The following HS3ST4 variants were observed in gnomAD, a reference collection of about 807,000 sequenced individuals.
The protein encoded by HS3ST4 is heparan sulfate glucosamine 3-O-sulfotransferase 4.
HS3ST4 carries 17 observed loss-of-function variants against 29.2 expected under a neutral mutation model. The observed-to-expected ratio is 0.58, with a 90% confidence interval of 0.40 to 0.87. HS3ST4 has a LOEUF of 0.87. Among genes scored for constraint, HS3ST4 ranks in the 40% least tolerant of loss-of-function variants. The pLI is 0.00. For synonymous variants in HS3ST4, 314 were observed against 285.7 expected (o/e 1.10, Z -1.00); for missense variants, 627 against 634.5 (o/e 0.99, Z 0.13).
intron 1 of HS3ST4, among the ~76,000 whole-genome samples, chr16:26,003,845 A>G (rs1402960332): frequency 6.6e-6 from 1 of 152,126 alleles, no homozygotes; most frequent in Admixed American, 6.5e-5. Context: ...GTAGACTTCA[A>G]CCAACACCAT....
At chr16:26,037,885 G>A (rs1469196589) in intron 1 of HS3ST4, among the ~76,000 whole-genome samples, 1 of 152,118 alleles carries the variant, frequency 6.6e-6, no homozygotes, top group Non-Finnish European at 1.5e-5. Context: ...AATTGCCCCA[G>A]TGCTTCCAGT....
At chr16:25,788,540 C>T (rs1339173996) in intron 1 of HS3ST4, among the ~76,000 whole-genome samples, 38 of 99,026 alleles carry the variant, frequency 3.8e-4, no homozygotes, top group Admixed American at 6.0e-4. Flanking sequence ...TTCTTTTCTT[C>T]TTTCTTTTTT....
chr16:25,818,553 T>G (rs1435247279), intron 1 of HS3ST4, among the ~76,000 whole-genome samples: 1 of 152,232 alleles, frequency 6.6e-6, no homozygotes, highest in Admixed American at 6.5e-5. Context: ...TTTTTTGGCT[T>G]AATGTGACAT....
chr16:26,005,859 G>A (rs796348879), intron 1 of HS3ST4, among the ~76,000 whole-genome samples: 5 of 152,248 alleles, frequency 3.3e-5, no homozygotes, highest in African/African-American at 1.2e-4. Flanking sequence ...GGGCTGTCCT[G>A]TCCATCGTAG....
intron 1 of HS3ST4, among the ~76,000 whole-genome samples, chr16:25,813,358 C>T (rs1297541545): frequency 6.6e-6 from 1 of 152,156 alleles, no homozygotes; most frequent in East Asian, 1.9e-4. Context: ...GGTGCGGTGG[C>T]TCACACTTGT....
chr16:26,067,614 T>A (rs1046721934), intron 1 of HS3ST4, among the ~76,000 whole-genome samples: 1 of 150,864 alleles, frequency 6.6e-6, no homozygotes, highest in African/African-American at 2.4e-5. Flanking sequence ...TCAAGAAAAA[T>A]TGCTGATGGC....
chr16:25,787,662 G>T (rs1023885849), intron 1 of HS3ST4, among the ~76,000 whole-genome samples: 14 of 152,204 alleles, frequency 9.2e-5, no homozygotes, highest in Admixed American at 8.5e-4. Flanking sequence ...GAGGAAGCCA[G>T]GCCTGAAGGC....
rs888833679 is a variant in HS3ST4 at position 25,857,191 on chromosome 16, A to G, written c.734+164040A>G. ...TAAATGATAATTTGTCAGAATTACCATTTAAGTGTTCCTATCAGTGTATGC... is the reference window on the plus strand; with the variant it reads ...TAAATGATAATTTGTCAGAATTACCGTTTAAGTGTTCCTATCAGTGTATGC... On this transcript the variant is annotated intron_variant, in intron 1 of 1. Transcript: ENST00000331351. 2.6e-5 allele frequency among the ~76,000 whole-genome samples: 4 copies of G among 152,306 alleles called. 1 individual carries two copies. Among genetic ancestry groups the G allele is most frequent in the Admixed American group, 2.6e-4 (4 of 15,282 alleles).
intron 1 of HS3ST4, among the ~76,000 whole-genome samples, chr16:26,132,189 G>GGAATGAATGAAA (rs1387117564): frequency 6.6e-6 from 1 of 152,128 alleles, no homozygotes; most frequent in Non-Finnish European, 1.5e-5. Context: ...GATCATTTAT[G>GGAATGAATGAAA]GAATGAATGA....
chr16:25,913,078 G>A (rs1434207229), intron 1 of HS3ST4, among the ~76,000 whole-genome samples: 2 of 152,240 alleles, frequency 1.3e-5, no homozygotes, highest in Non-Finnish European at 2.9e-5. Flanking sequence ...TTACGATAGT[G>A]TTTCTCAAGC....
rs567236149 is a variant in HS3ST4 at position 25,806,345 on chromosome 16, G to A, written c.734+113194G>A. Among the ~76,000 whole-genome samples the A allele has an allele frequency of 7.1e-5, 10 of 140,572 alleles. 1 individual carries two copies. Among genetic ancestry groups the A allele is most frequent in the South Asian group, 6.7e-4 (3 of 4,472 alleles). The allele number at this position is 140,572 out of a possible 152,430, so 92.2% of individuals were successfully genotyped here. On this transcript the variant is annotated intron_variant, in intron 1 of 1. Transcript: ENST00000331351. ...CGTGTGTGTGTGTGTATGTGTCTACGTGGGGGCAGGACATTAGTCCAATCC... is the reference window on the plus strand; with the variant it reads ...CGTGTGTGTGTGTGTATGTGTCTACATGGGGGCAGGACATTAGTCCAATCC...
chr16:25,743,037 T>C (rs1966664826), intron 1 of HS3ST4, among the ~76,000 whole-genome samples: 2 of 152,216 alleles, frequency 1.3e-5, no homozygotes, highest in Non-Finnish European at 2.9e-5. Flanking sequence ...TCATTGAAGA[T>C]ATCACAGAAG....
Position 25,732,736 on chromosome 16 carries a change from A to G in HS3ST4, c.734+39585A>G, listed in dbSNP as rs9925296. Reference sequence around the variant, plus strand: ...TGGATGGAACCAGTTAAATTTCTGGAAGGAGGCAGTATAGCATGGATTATC... The same window carrying G: ...TGGATGGAACCAGTTAAATTTCTGGGAGGAGGCAGTATAGCATGGATTATC... On this transcript the variant is annotated intron_variant, in intron 1 of 1. Coordinates refer to ENST00000331351, the MANE Select transcript of HS3ST4 (RefSeq NM_006040.3). Among the ~76,000 whole-genome samples the G allele has an allele frequency of 5.0e-3, 764 of 152,336 alleles. 8 individuals carry two copies. The highest frequency in any genetic ancestry group is 0.017 in the African/African-American group (718 of 41,574).
chr16:25,810,419 A>C (rs1485960406), intron 1 of HS3ST4, among the ~76,000 whole-genome samples: 1 of 152,098 alleles, frequency 6.6e-6, no homozygotes, highest in Non-Finnish European at 1.5e-5. Context: ...GGTTGAAAAA[A>C]TATATATTCT....
intron 1 of HS3ST4, among the ~76,000 whole-genome samples, chr16:25,827,735 A>C (rs1967234812): frequency 6.6e-6 from 1 of 152,190 alleles, no homozygotes; most frequent in African/African-American, 2.4e-5. Flanking sequence ...TAAAGTTTTA[A>C]AGTTTCCTAA....
intron 1 of HS3ST4, among the ~76,000 whole-genome samples, chr16:25,748,852 TAGAATAAAAAC>T (rs746494307): frequency 2.0e-5 from 3 of 152,230 alleles, no homozygotes; most frequent in Non-Finnish European, 2.9e-5. Flanking sequence ...TATACTGGTT[TAGAATAAAAAC>T]AGGATTAAAG....
intron 1 of HS3ST4, among the ~76,000 whole-genome samples, chr16:25,714,028 G>A (rs993348637): frequency 6.6e-6 from 1 of 151,806 alleles, no homozygotes; most frequent in African/African-American, 2.4e-5. Flanking sequence ...GTTACCAGCA[G>A]GTCCTGGGGC....
intron 1 of HS3ST4, among the ~76,000 whole-genome samples, chr16:25,799,151 G>A (rs774905751): frequency 1.3e-5 from 2 of 152,156 alleles, no homozygotes; most frequent in African/African-American, 2.4e-5. Flanking sequence ...GAGCCTTCAC[G>A]TGTTTATTTT....
chr16:25,771,293 T>C (rs1200361908), intron 1 of HS3ST4, among the ~76,000 whole-genome samples: 4 of 152,306 alleles, frequency 2.6e-5, no homozygotes, highest in African/African-American at 9.6e-5. Flanking sequence ...GAACCAGGAC[T>C]TGGTAGAGTA....
Sources: allele counts gnomAD v4.1 joint callset (sites outside exome capture counted in the v4.1 genomes callset), GRCh38; gene constraint gnomAD v4.1.1; transcripts MANE v1.5; gene names NCBI Gene and HGNC (gene_info 2026-07-23, HGNC 2026-07-21).